The following KIZ variants were observed in gnomAD, a reference collection of about 807,000 sequenced individuals.
KIZ encodes the protein kizuna centrosomal protein, also known as centrosomal protein kizuna.
KIZ carries 68 observed loss-of-function variants against 79.6 expected under a neutral mutation model. That is an observed-to-expected ratio of 0.85 (90% CI 0.70 to 1.05). The LOEUF is 1.05. Among genes scored for constraint, KIZ ranks in the 50% least tolerant of loss-of-function variants. The probability of loss-of-function intolerance (pLI) is 0.00; values close to 1 mark genes in which losing one functional copy is unlikely to be tolerated. For synonymous variants in KIZ, 280 were observed against 281.8 expected (o/e 0.99, Z 0.06); for missense variants, 797 against 800.4 (o/e 1.00, Z 0.05).
intron 9 of KIZ, among the ~76,000 whole-genome samples, chr20:21,220,861 G>A (rs947014332): frequency 2.0e-5 from 3 of 152,218 alleles, no homozygotes; most frequent in Admixed American, 6.5e-5. Flanking sequence ...CATCATAACA[G>A]AAGATGGGCT....
chr20:21,141,846 CTCTG>C (rs2032559348), intron 3 of KIZ, among the ~76,000 whole-genome samples: 1 of 149,062 alleles, frequency 6.7e-6, no homozygotes, highest in African/African-American at 2.6e-5. Context: ...CTCTCTCTCT[CTCTG>C]TGTTTGTCTC....
intron 11 of KIZ, among the ~76,000 whole-genome samples, chr20:21,237,623 A>G (rs115688416): frequency 0.01 from 1,577 of 152,208 alleles, 33 homozygotes; most frequent in African/African-American, 0.036. Flanking sequence ...CCTGGATTTT[A>G]TTGGAATGCT....
intron 6 of KIZ, among the ~76,000 whole-genome samples, chr20:21,168,274 T>G (rs1395621388): frequency 6.6e-6 from 1 of 152,210 alleles, no homozygotes; most frequent in East Asian, 1.9e-4. Context: ...GGCTGCATAG[T>G]ATTCCATGGT....
intron 7 of KIZ, chr20:21,213,608 G>A (rs1244437064): frequency 6.6e-6 from 1 of 152,188 alleles, no homozygotes; most frequent in Non-Finnish European, 1.5e-5. Context: ...AATAGGAAAT[G>A]AGAGAAACAT....
chr20:21,233,240 C>A (rs955924317), intron 11 of KIZ, among the ~76,000 whole-genome samples: 1 of 152,146 alleles, frequency 6.6e-6, no homozygotes, highest in Non-Finnish European at 1.5e-5. Context: ...GCTGGATATT[C>A]ATTTTTATTT....
At chr20:21,146,004 G>C (rs2032826014) in intron 4 of KIZ, among the ~76,000 whole-genome samples, 1 of 152,086 alleles carries the variant, frequency 6.6e-6, no homozygotes, top group Non-Finnish European at 1.5e-5. Flanking sequence ...TCTTTTATTT[G>C]TGCGAATATA....
rs529536052 is a variant in KIZ, at chr20:21,141,121, G to A, written c.316-4444G>A. Among the ~76,000 whole-genome samples, 558 of 152,256 alleles carry A rather than the reference G, an allele frequency of 3.7e-3. 2 individuals carry two copies. The highest frequency in any genetic ancestry group is 7.0e-3 in the Non-Finnish European group (473 of 68,032). On this transcript the variant is annotated intron_variant, in intron 3 of 12. Coordinates refer to ENST00000619189, the MANE Select transcript of KIZ (RefSeq NM_018474.6). ...CCCTCATTCTGCCCCCCTACTCCCT[G>A]TATTAGCTGCTTTTGTAGAGGGGGC... is the stretch of plus-strand genomic sequence containing the variant.
chr20:21,220,951 G>A lies in KIZ; in HGVS notation c.1678+5303G>A, dbSNP rs150107076. Among the ~76,000 whole-genome samples, 4 of 152,294 alleles carry A rather than the reference G, an allele frequency of 2.6e-5. No individual in the cohort carries two copies. In the East Asian group the frequency reaches 7.7e-4, roughly 29 times the overall value. On this transcript the variant is annotated intron_variant, in intron 9 of 12. Coordinates refer to ENST00000619189, the MANE Select transcript of KIZ (RefSeq NM_018474.6). Reference sequence around the variant, plus strand: ...TGGGTTAGGCCTGGAGAGGTGGGCAGCATGCAAGGATTTTCAAATGCAGCT... The same window carrying A: ...TGGGTTAGGCCTGGAGAGGTGGGCAACATGCAAGGATTTTCAAATGCAGCT...
intron 6 of KIZ, among the ~76,000 whole-genome samples, chr20:21,171,377 A>G (rs76952724): frequency 2.0e-3 from 304 of 152,258 alleles, no homozygotes; most frequent in African/African-American, 7.0e-3. Flanking sequence ...CGCCCAATCT[A>G]TGGTTTGTCT....
chr20:21,215,959 G>A (rs2036271212), intron 9 of KIZ, among the ~76,000 whole-genome samples: 1 of 152,144 alleles, frequency 6.6e-6, no homozygotes, highest in African/African-American at 2.4e-5. Flanking sequence ...GGAACACCCG[G>A]TCATTACACA....
At position 21,155,537 on chromosome 20, in the gene KIZ, T is replaced by C. The variant is rs578028414; in HGVS notation, c.406-6334T>C. 2.7e-4 allele frequency among the ~76,000 whole-genome samples: 41 copies of C among 152,122 alleles called. 1 individual carries two copies. Among genetic ancestry groups the C allele is most frequent in the Admixed American group, 5.2e-4 (8 of 15,274 alleles). On this transcript the variant is annotated intron_variant, in intron 4 of 12. Transcript: ENST00000619189. ...AGGGCTGGGGACTGACTGGGGAGGATGGGGAGTTACGCTAAAAGGTATGGG... is the reference window on the plus strand; with the variant it reads ...AGGGCTGGGGACTGACTGGGGAGGACGGGGAGTTACGCTAAAAGGTATGGG...
chr20:21,216,161 A>G (rs528942603), intron 9 of KIZ, among the ~76,000 whole-genome samples: 3 of 152,330 alleles, frequency 2.0e-5, no homozygotes, highest in East Asian at 1.9e-4. Flanking sequence ...CTGCACATGT[A>G]TTAGGCTTGT....
intron 11 of KIZ, among the ~76,000 whole-genome samples, chr20:21,239,262 C>T (rs2037136515): frequency 1.3e-5 from 2 of 152,246 alleles, no homozygotes. Context: ...GTCTCAGCTT[C>T]TGAAAGCAGC....
At chr20:21,232,020 C>T (rs567006636) in intron 10 of KIZ, among the ~76,000 whole-genome samples, 38 of 152,318 alleles carry the variant, frequency 2.5e-4, no homozygotes, top group African/African-American at 8.9e-4. Context: ...GTTAGAAACT[C>T]AGCAAATGCT....
At chr20:21,205,344 T>C (rs1467412096) in intron 6 of KIZ, 147 bp from the exon 7 acceptor site, 2 of 466,762 alleles carry the variant, frequency 4.3e-6, no homozygotes, top group African/African-American at 4.1e-5. Flanking sequence ...AAAGGATACT[T>C]GGACTCAAAA....
rs182899103 is a variant in KIZ, at chr20:21,163,466, C to G, written c.1352+307C>G. Among the ~76,000 whole-genome samples, 3 of 152,256 alleles carry G rather than the reference C, an allele frequency of 2.0e-5. No individual in the cohort carries two copies. In the East Asian group the frequency reaches 5.8e-4, roughly 29 times the overall value. ...GTTAACTTATAAGTCATTCCCCAAC[C>G]CCCTACTCTCCAGGCTTTCAGAAAA... On this transcript the variant is annotated intron_variant, in intron 6 of 12. Transcript: ENST00000619189.
intron 9 of KIZ, among the ~76,000 whole-genome samples, chr20:21,220,218 C>T (rs1447240387): frequency 1.3e-5 from 2 of 151,252 alleles, no homozygotes; most frequent in African/African-American, 2.4e-5. Context: ...TTTACGTGGG[C>T]TGAATCCTGG....
At chr20:21,143,054 C>T (rs73288383) in intron 3 of KIZ, among the ~76,000 whole-genome samples, 2 of 152,146 alleles carry the variant, frequency 1.3e-5, no homozygotes, top group African/African-American at 4.8e-5. Flanking sequence ...AACAAATGAA[C>T]GTTCCCCCAT....
intron 6 of KIZ, among the ~76,000 whole-genome samples, chr20:21,165,503 T>A (rs560800444): frequency 1.3e-5 from 2 of 152,300 alleles, no homozygotes; most frequent in African/African-American, 4.8e-5. Context: ...TTTGTAGAGC[T>A]GTTGAAGGTT....
Sources: allele counts gnomAD v4.1 joint callset (sites outside exome capture counted in the v4.1 genomes callset), GRCh38; gene constraint gnomAD v4.1.1; transcripts MANE v1.5; gene names NCBI Gene and HGNC (gene_info 2026-07-23, HGNC 2026-07-21).